Variants in LRRC4C observed in about 807,000 individuals in gnomAD.
The protein encoded by LRRC4C is leucine-rich repeat-containing protein 4C.
Under a neutral mutation model 33.6 loss-of-function variants are expected in LRRC4C, and 5 were observed. The ratio of observed to expected loss-of-function variants is 0.15; its 90% CI spans 0.08 to 0.31. The LOEUF (loss-of-function observed/expected upper bound fraction) is 0.31, where lower values mean the gene tolerates loss of function less well. Among genes scored for constraint, LRRC4C ranks in the 10% least tolerant of loss-of-function variants. The pLI, the probability that LRRC4C is intolerant of heterozygous loss-of-function variation, is 1.00. For missense variants in LRRC4C, 560 were observed against 796.7 expected (o/e 0.70, Z 3.58); for synonymous variants, 329 against 302.0 (o/e 1.09, Z -0.93).
At chr11:41,143,293 A>G (rs534757303) in intron 1 of LRRC4C, among the ~76,000 whole-genome samples, 9 of 143,220 alleles carry the variant, frequency 6.3e-5, no homozygotes, top group African/African-American at 2.0e-4. Flanking sequence ...TTAAAAAATA[A>G]ATTTTCCAGA....
At chr11:40,309,882 T>C (rs79818364) in intron 4 of LRRC4C, among the ~76,000 whole-genome samples, 2,121 of 152,160 alleles carry the variant, frequency 0.014, 42 homozygotes, top group African/African-American at 0.048. Context: ...AAGGAAAGGA[T>C]GGTTGAGGAG....
chr11:40,538,165 A>T (rs10837433), intron 3 of LRRC4C, among the ~76,000 whole-genome samples: 2 of 151,864 alleles, frequency 1.3e-5, no homozygotes, highest in Non-Finnish European at 2.9e-5. Flanking sequence ...TCTTTCTAAC[A>T]TTCTCCAGGT....
chr11:41,334,121 C>T (rs1175798834), intron 1 of LRRC4C, among the ~76,000 whole-genome samples: 2 of 152,164 alleles, frequency 1.3e-5, no homozygotes, highest in Non-Finnish European at 2.9e-5. Flanking sequence ...GGAATAGGAA[C>T]CAGAGAGAAG....
intron 1 of LRRC4C, among the ~76,000 whole-genome samples, chr11:41,321,602 G>A (rs565821534): frequency 7.2e-5 from 11 of 152,172 alleles, no homozygotes; most frequent in African/African-American, 1.9e-4. Context: ...GCCACTGTTC[G>A]CAGTGTTTTG....
At chr11:41,211,545 G>A (rs1946823306) in intron 1 of LRRC4C, among the ~76,000 whole-genome samples, 1 of 151,176 alleles carries the variant, frequency 6.6e-6, no homozygotes, top group Non-Finnish European at 1.5e-5. Flanking sequence ...TGTTCTCATT[G>A]TTCAATTCCC....
At chr11:40,843,383 T>G (rs1953003816) in intron 2 of LRRC4C, among the ~76,000 whole-genome samples, 1 of 152,164 alleles carries the variant, frequency 6.6e-6, no homozygotes, top group Non-Finnish European at 1.5e-5. Flanking sequence ...TTTCCTATAG[T>G]TTTTACTTCC....
chr11:40,956,061 C>G (rs1958941139), intron 1 of LRRC4C, among the ~76,000 whole-genome samples: 1 of 151,744 alleles, frequency 6.6e-6, no homozygotes, highest in African/African-American at 2.4e-5. Flanking sequence ...GCTTTACTTA[C>G]AAAGGGCCAT....
At chr11:40,421,402 T>G (rs930050866) in intron 3 of LRRC4C, among the ~76,000 whole-genome samples, 1 of 152,168 alleles carries the variant, frequency 6.6e-6, no homozygotes, top group Non-Finnish European at 1.5e-5. Context: ...TGGTGGCCTT[T>G]GTAATAGGGC....
chr11:40,833,607 A>G (rs946057315), intron 2 of LRRC4C, among the ~76,000 whole-genome samples: 1 of 152,048 alleles, frequency 6.6e-6, no homozygotes, highest in Non-Finnish European at 1.5e-5. Context: ...TCCATTAGCA[A>G]AATTATAAAT....
chr11:40,354,926 A>G (rs954389712), intron 3 of LRRC4C, among the ~76,000 whole-genome samples: 5 of 151,990 alleles, frequency 3.3e-5, no homozygotes, highest in Admixed American at 1.3e-4. Flanking sequence ...CATAGCCACC[A>G]TAGCTAGGAA....
At chr11:41,005,462 G>T (rs912219663) in intron 1 of LRRC4C, among the ~76,000 whole-genome samples, 2 of 152,054 alleles carry the variant, frequency 1.3e-5, no homozygotes, top group African/African-American at 2.4e-5. Flanking sequence ...AAATTAGCCG[G>T]GCGTGGTGGC....
chr11:40,565,245 C>T (rs1374859970), intron 3 of LRRC4C, among the ~76,000 whole-genome samples: 1 of 152,134 alleles, frequency 6.6e-6, no homozygotes, highest in Non-Finnish European at 1.5e-5. Context: ...TGAGTCTGTG[C>T]ATCATAAGAG....
chr11:40,883,078 A>C (rs1431312110), intron 2 of LRRC4C, among the ~76,000 whole-genome samples: 1 of 152,094 alleles, frequency 6.6e-6, no homozygotes, highest in African/African-American at 2.4e-5. Flanking sequence ...CAGTGTACAT[A>C]TCATCCTGGC....
chr11:41,013,536 C>T (rs1180568145), intron 1 of LRRC4C, among the ~76,000 whole-genome samples: 5 of 152,176 alleles, frequency 3.3e-5, no homozygotes, highest in African/African-American at 1.2e-4. Context: ...AAAGAAAAAA[C>T]CCTGAATTTT....
chr11:40,400,670 CTTGTT>C (rs1949724755), intron 3 of LRRC4C, among the ~76,000 whole-genome samples: 1 of 152,114 alleles, frequency 6.6e-6, no homozygotes, highest in Non-Finnish European at 1.5e-5. Context: ...ATGTCCATAT[CTTGTT>C]AAATTACTCC....
intron 1 of LRRC4C, among the ~76,000 whole-genome samples, chr11:41,181,902 A>T (rs1221041229): frequency 6.6e-6 from 1 of 152,194 alleles, no homozygotes; most frequent in African/African-American, 2.4e-5. Flanking sequence ...TTAAAGAGGA[A>T]AAAAAGACTC....
intron 2 of LRRC4C, among the ~76,000 whole-genome samples, chr11:40,764,762 A>C (rs1052863092): frequency 6.6e-6 from 1 of 152,118 alleles, no homozygotes; most frequent in Non-Finnish European, 1.5e-5. Context: ...TAGGGGGGGA[A>C]CATATGGGAA....
chr11:41,205,703 C>T (rs1013834038), intron 1 of LRRC4C, among the ~76,000 whole-genome samples: 28 of 152,144 alleles, frequency 1.8e-4, no homozygotes, highest in African/African-American at 5.5e-4. Context: ...TCAGGAATTC[C>T]TAACACTTAA....
intron 1 of LRRC4C, among the ~76,000 whole-genome samples, chr11:41,270,999 T>C (rs879415573): frequency 1.3e-5 from 2 of 151,994 alleles, no homozygotes; most frequent in Non-Finnish European, 2.9e-5. Context: ...AATCAAATCA[T>C]TGGATTTAGG....
Sources: allele counts gnomAD v4.1 joint callset (sites outside exome capture counted in the v4.1 genomes callset), GRCh38; gene constraint gnomAD v4.1.1; transcripts MANE v1.5; gene names NCBI Gene and HGNC (gene_info 2026-07-23, HGNC 2026-07-21).